TCERG1: variants seen among roughly 807,000 people sequenced by gnomAD.
TCERG1 encodes the protein TATA box binding protein (TBP)-associated factor, RNA polymerase II, S, 150kD.
TCERG1 carries 37 observed loss-of-function variants against 144.7 expected under a neutral mutation model. The ratio of observed to expected loss-of-function variants is 0.26; its 90% CI spans 0.20 to 0.34. The LOEUF is 0.34. Among genes scored for constraint, TCERG1 ranks in the 10% least tolerant of loss-of-function variants. TCERG1 has a pLI of 1.00. For synonymous variants in TCERG1, 492 were observed against 458.2 expected (o/e 1.07, Z -0.94); for missense variants, 1,027 against 1,380.7 (o/e 0.74, Z 4.06).
intron 1 of TCERG1, among the ~76,000 whole-genome samples, chr5:146,453,772 T>TAAA (rs775482064): frequency 4.3e-5 from 6 of 138,236 alleles, no homozygotes; most frequent in Non-Finnish European, 4.8e-5. Context: ...ACCCTGTCTC[T>TAAA]AAAAAAAAAA....
chr5:146,455,126 C>T lies in TCERG1; in HGVS notation c.130C>T (p.Pro44Ser). The change falls in exon 2 of 23, where the codon CCA (proline) becomes TCA (serine). Residue 44 changes from proline to serine, a missense_variant. This residue lies in a region of TCERG1 where 175 missense variants were observed against 197.0 expected (regional missense o/e 0.89). Transcript: ENST00000679501. The stretch of plus-strand genomic sequence containing the variant: ...ACCAAATGCAGTGATGCGAGGCCCA[C>T]CACCTCTGATGCGACCTCCTCCACC... ...PPPNAVMRGPPPLMRPPPPFG... is the reference protein window; with the variant it reads ...PPPNAVMRGPSPLMRPPPPFG... The T allele has an allele frequency of 1.2e-6, 2 of 1,614,226 alleles. No homozygotes were observed. The highest frequency in any genetic ancestry group is 1.1e-5 in the South Asian group (1 of 91,082).
chr5:146,472,856 G>A (rs192931822), intron 9 of TCERG1, among the ~76,000 whole-genome samples: 12 of 152,220 alleles, frequency 7.9e-5, no homozygotes, highest in Middle Eastern at 3.4e-3. Flanking sequence ...TGGGATTATA[G>A]TTACACGCCA....
At chr5:146,448,412 C>A (rs1336726906) in intron 1 of TCERG1, among the ~76,000 whole-genome samples, 1 of 152,078 alleles carries the variant, frequency 6.6e-6, no homozygotes, top group African/African-American at 2.4e-5. Flanking sequence ...ATCTTTTGGT[C>A]AGTGGTTTTT....
intron 16 of TCERG1, among the ~76,000 whole-genome samples, chr5:146,496,084 G>A (rs1280926645): frequency 6.6e-6 from 1 of 152,142 alleles, no homozygotes; most frequent in Non-Finnish European, 1.5e-5. Context: ...ACCTGGAGGC[G>A]GAGGTTGCAG....
At chr5:146,452,857 C>G (rs1049738998) in intron 1 of TCERG1, among the ~76,000 whole-genome samples, 3 of 152,158 alleles carry the variant, frequency 2.0e-5, no homozygotes, top group African/African-American at 7.2e-5. Flanking sequence ...CACCAAAGTG[C>G]TGGGATTACA....
chr5:146,477,699 T>TA (rs1180531710), intron 9 of TCERG1, among the ~76,000 whole-genome samples: 1 of 144,720 alleles, frequency 6.9e-6, no homozygotes, highest in Non-Finnish European at 1.5e-5. Context: ...TTACTTTTTT[T>TA]TTTTTTTTTT....
intron 19 of TCERG1, among the ~76,000 whole-genome samples, chr5:146,505,979 G>A (rs906149487): frequency 2.6e-5 from 4 of 152,070 alleles, no homozygotes; most frequent in Non-Finnish European, 5.9e-5. Flanking sequence ...GTTTCGCCAT[G>A]TTGGCCAGGC....
chr5:146,463,035 C>T (rs1257303492), intron 4 of TCERG1, among the ~76,000 whole-genome samples: 2 of 152,186 alleles, frequency 1.3e-5, no homozygotes, highest in Non-Finnish European at 2.9e-5. Flanking sequence ...TACTCCTTAG[C>T]CTTTTGTTCA....
intron 4 of TCERG1, among the ~76,000 whole-genome samples, chr5:146,460,892 C>T (rs190765180): frequency 9.9e-4 from 150 of 152,248 alleles, no homozygotes; most frequent in Non-Finnish European, 1.3e-3. Context: ...TTTAGTGCTT[C>T]CCAAACCTCT....
intron 15 of TCERG1, among the ~76,000 whole-genome samples, chr5:146,485,622 T>C (rs578173602): frequency 1.8e-4 from 27 of 152,204 alleles, no homozygotes; most frequent in Admixed American, 7.9e-4. Context: ...AGAGAAAATA[T>C]TATTCTAGTG....
intron 1 of TCERG1, among the ~76,000 whole-genome samples, chr5:146,454,030 T>TA (rs1762587813): frequency 8.9e-6 from 1 of 112,972 alleles, no homozygotes. Context: ...CCATCTCTAC[T>TA]CAAATACAAA....
intron 16 of TCERG1, among the ~76,000 whole-genome samples, chr5:146,493,452 T>C (rs569836627): frequency 2.0e-5 from 3 of 152,192 alleles, no homozygotes; most frequent in African/African-American, 4.8e-5. Flanking sequence ...ACATTTTGAA[T>C]TGATTGGTAA....
rs1344807515 is a variant in TCERG1, at chr5:146,447,396, C to T, written c.47C>T (p.Pro16Leu). The T allele has an allele frequency of 5.0e-6, 8 of 1,611,716 alleles. No individual in the cohort carries two copies. The highest frequency in any genetic ancestry group is 1.7e-4 in the Middle Eastern group (1 of 6,048). Residue 16 changes from proline to leucine, a missense_variant, in exon 1 of 23, where the codon CCG (proline) becomes CTG (leucine). Physicochemically the swap from Pro to Leu is moderately conservative, Grantham distance 98 (BLOSUM62 -3). Coordinates refer to ENST00000679501, the MANE Select transcript of TCERG1 (RefSeq NM_001382548.1). The part of the protein sequence containing the change: ...GDGGESERFN[P>L]GELRMAQQQA... ...GGGGGCGAGAGTGAACGATTCAACC[C>T]GGGGGAGCTCAGGTAAGGAACGCTG...
Position 146,471,787 on chromosome 5 carries a change from C to T in TCERG1, c.1601+211C>T, listed in dbSNP as rs181214848. On this transcript the variant is annotated intron_variant, in intron 9 of 22. Transcript: ENST00000679501. ...CTGATTTTTGTATTTTTAGTAGAGA[C>T]GGGGTTTCACCATGTTGGCCAGGAT... Among the ~76,000 whole-genome samples, 86 of 152,046 alleles carry T rather than the reference C, an allele frequency of 5.7e-4. 1 individual carries two copies. The highest frequency in any genetic ancestry group is 2.0e-3 in the African/African-American group (82 of 41,480).
At chr5:146,466,328 T>C (rs1161815692) in intron 5 of TCERG1, among the ~76,000 whole-genome samples, 1 of 152,164 alleles carries the variant, frequency 6.6e-6, no homozygotes, top group Non-Finnish European at 1.5e-5. Context: ...TGTATGGGTC[T>C]AATGAGGATG....
At chr5:146,451,994 G>A (rs1762399626) in intron 1 of TCERG1, among the ~76,000 whole-genome samples, 1 of 151,762 alleles carries the variant, frequency 6.6e-6, no homozygotes, top group Admixed American at 6.6e-5. Context: ...TGCTATGTTG[G>A]CCAGGCTGGT....
At chr5:146,476,494 AGTT>A (rs950017213) in intron 9 of TCERG1, among the ~76,000 whole-genome samples, 1 of 152,188 alleles carries the variant, frequency 6.6e-6, no homozygotes, top group Non-Finnish European at 1.5e-5. Context: ...CACTTGGAAT[AGTT>A]GTTTTCTGTA....
At chr5:146,461,655 C>T (rs544581781) in intron 4 of TCERG1, among the ~76,000 whole-genome samples, 1 of 152,128 alleles carries the variant, frequency 6.6e-6, no homozygotes, top group African/African-American at 2.4e-5. Context: ...ATTTGATGCC[C>T]TTATTTATTT....
At chr5:146,473,258 CA>C in intron 9 of TCERG1, among the ~76,000 whole-genome samples, 1 of 152,254 alleles carries the variant, frequency 6.6e-6, no homozygotes, top group East Asian at 1.9e-4. Context: ...TTCATTAAGC[CA>C]AAACCTAATC....
Sources: gnomAD v4.1 joint callset for allele counts (sites outside exome capture counted in the v4.1 genomes callset) on GRCh38, gnomAD v4.1.1 for gene constraint, gnomAD v4.1.1 regional missense constraint, MANE v1.5 for transcripts, NCBI Gene and HGNC (gene_info 2026-07-23, HGNC 2026-07-21) for gene names.